SH3GL2: variants seen among roughly 807,000 people sequenced by gnomAD.
SH3GL2 encodes endophilin-A1.
A neutral mutation model predicts 46.0 loss-of-function variants in SH3GL2; 24 were observed. The ratio of observed to expected loss-of-function variants is 0.52; its 90% CI spans 0.38 to 0.73. The LOEUF is 0.73. SH3GL2 is among the 30% of genes least tolerant of loss of function. SH3GL2 has a pLI of 0.00. For synonymous variants in SH3GL2, 196 were observed against 147.1 expected, an observed-to-expected ratio of 1.33 and a Z score of -2.40; for missense variants, 413 against 424.2, an observed-to-expected ratio of 0.97 and a Z score of 0.23.
chr9:17,646,271 C>T (rs1307605767), intron 1 of SH3GL2, among the ~76,000 whole-genome samples: 1 of 151,992 alleles, frequency 6.6e-6, no homozygotes, highest in Non-Finnish European at 1.5e-5. Context: ...TTAGCAATTC[C>T]TCTAACCTTT....
chr9:17,646,348 T>G (rs138662803), intron 1 of SH3GL2, among the ~76,000 whole-genome samples: 136 of 152,156 alleles, frequency 8.9e-4, no homozygotes, highest in African/African-American at 3.1e-3. Flanking sequence ...GAGTTTGTTA[T>G]AACCCACCTT....
chr9:17,590,480 CTG>C (rs1233001643), intron 1 of SH3GL2: 2 of 152,120 alleles, frequency 1.3e-5, no homozygotes, highest in African/African-American at 4.8e-5. Context: ...AACAGTAAAA[CTG>C]TTTTCCATTA....
intron 7 of SH3GL2, 73 bp downstream of exon 7, chr9:17,791,407 A>G (rs1824125908): frequency 4.6e-6 from 5 of 1,081,936 alleles, no homozygotes; most frequent in African/African-American, 1.5e-5. Context: ...AATGGAAATC[A>G]TAGAATACAT....
At chr9:17,614,918 A>C (rs535976582) in intron 1 of SH3GL2, among the ~76,000 whole-genome samples, 2 of 152,326 alleles carry the variant, frequency 1.3e-5, no homozygotes, top group South Asian at 2.1e-4. Context: ...CCCACACCCA[A>C]AAGGCTCCGC....
chr9:17,696,945 G>GTAT lies in SH3GL2; in HGVS notation c.46-50121_46-50120insTAT, dbSNP rs1247464150. On this transcript the variant is annotated intron_variant, in intron 1 of 8. Coordinates refer to ENST00000380607, the MANE Select transcript of SH3GL2 (RefSeq NM_003026.5). Reference sequence around the variant, plus strand: ...TTCTTATTTTAGAGTGACTTTTAAAGACTGAACATGCAGAAGCCTCATTGC... The same window carrying GTAT: ...TTCTTATTTTAGAGTGACTTTTAAAGTATACTGAACATGCAGAAGCCTCATTGC... Among the ~76,000 whole-genome samples, 289 of 152,150 alleles carry GTAT rather than the reference G, an allele frequency of 1.9e-3. 1 individual carries two copies. Among genetic ancestry groups the GTAT allele is most frequent in the Non-Finnish European group, 1.3e-3 (86 of 67,986 alleles).
intron 1 of SH3GL2, among the ~76,000 whole-genome samples, chr9:17,630,033 A>G (rs1257462746): frequency 6.6e-6 from 1 of 152,170 alleles, no homozygotes; most frequent in Non-Finnish European, 1.5e-5. Context: ...GGACAGACAT[A>G]AAAAGCCTCA....
chr9:17,737,407 A>T (rs2118465601), intron 1 of SH3GL2, among the ~76,000 whole-genome samples: 1 of 152,252 alleles, frequency 6.6e-6, no homozygotes, highest in African/African-American at 2.4e-5. Flanking sequence ...ATCTGAGAAA[A>T]AAATATGAGG....
Position 17,747,049 on chromosome 9 carries a change from G to A in SH3GL2, c.46-17G>A, listed in dbSNP as rs1410992694. The A allele has an allele frequency of 6.5e-7, 1 of 1,549,752 alleles. No individual in the cohort carries two copies. Among genetic ancestry groups the A allele is most frequent in the Non-Finnish European group, 8.9e-7 (1 of 1,125,072 alleles). ...AAACTGTTTATAATAATTCTCCTTT[G>A]TGGTTATTTTCTACAGAAAGTGAGT... On this transcript the variant is annotated splice_polypyrimidine_tract_variant and intron_variant, in intron 1 of 8. Transcript: ENST00000380607.
At chr9:17,595,072 C>T (rs568182878) in intron 1 of SH3GL2, among the ~76,000 whole-genome samples, 1 of 152,142 alleles carries the variant, frequency 6.6e-6, no homozygotes, top group Non-Finnish European at 1.5e-5. Context: ...CACAGCAACC[C>T]TATGAACATT....
chr9:17,740,322 G>T (rs572880126), intron 1 of SH3GL2, among the ~76,000 whole-genome samples: 1 of 151,986 alleles, frequency 6.6e-6, no homozygotes, highest in Non-Finnish European at 1.5e-5. Context: ...CATATACTGC[G>T]TAAAGTGAAT....
At chr9:17,641,799 C>T (rs1164178185) in intron 1 of SH3GL2, among the ~76,000 whole-genome samples, 1 of 146,884 alleles carries the variant, frequency 6.8e-6, no homozygotes, top group Non-Finnish European at 1.5e-5. Context: ...CATAGTATTG[C>T]ATGGTTTATT....
intron 1 of SH3GL2, among the ~76,000 whole-genome samples, chr9:17,583,832 C>T (rs1818321571): frequency 6.6e-6 from 1 of 152,136 alleles, no homozygotes; most frequent in African/African-American, 2.4e-5. Flanking sequence ...ATGCTTTGCT[C>T]AGGAGACCAT....
intron 1 of SH3GL2, among the ~76,000 whole-genome samples, chr9:17,613,417 G>A (rs1392966188): frequency 6.6e-6 from 1 of 152,096 alleles, no homozygotes. Flanking sequence ...AAAATATTGT[G>A]TTTAGATAAA....
chr9:17,770,207 A>AT (rs1279977048), intron 3 of SH3GL2, among the ~76,000 whole-genome samples: 3 of 152,200 alleles, frequency 2.0e-5, no homozygotes, highest in Non-Finnish European at 4.4e-5. Flanking sequence ...CATGTATAAA[A>AT]TCACTGGGCT....
At position 17,713,936 on chromosome 9, in the gene SH3GL2, A is replaced by G. The variant is rs58992496; in HGVS notation, c.46-33130A>G. 5.6e-3 allele frequency among the ~76,000 whole-genome samples: 847 copies of G among 151,702 alleles called. 8 individuals carry two copies. Among genetic ancestry groups the G allele is most frequent in the African/African-American group, 0.02 (815 of 41,490 alleles). On this transcript the variant is annotated intron_variant, in intron 1 of 8. Transcript: ENST00000380607. ...GTTCTAGTCTACTATGTATCTGACA[A>G]TTTTCTGTCCATTTGTTTTAATTAT...
At chr9:17,694,802 G>T (rs1391525225) in intron 1 of SH3GL2, among the ~76,000 whole-genome samples, 1 of 152,146 alleles carries the variant, frequency 6.6e-6, no homozygotes, top group African/African-American at 2.4e-5. Context: ...TGAGTTAAAT[G>T]TCAAACTTCA....
chr9:17,587,007 G>A (rs1258381900), intron 1 of SH3GL2, among the ~76,000 whole-genome samples: 1 of 152,158 alleles, frequency 6.6e-6, no homozygotes, highest in African/African-American at 2.4e-5. Context: ...TTTGAGACCA[G>A]CTTGGCCAAC....
chr9:17,612,601 A>G (rs981733308), intron 1 of SH3GL2, among the ~76,000 whole-genome samples: 1 of 152,158 alleles, frequency 6.6e-6, no homozygotes, highest in African/African-American at 2.4e-5. Flanking sequence ...GGGAGGATGC[A>G]TTTCACTTGT....
chr9:17,644,386 C>T (rs1385887481), intron 1 of SH3GL2, among the ~76,000 whole-genome samples: 3 of 152,034 alleles, frequency 2.0e-5, no homozygotes, highest in East Asian at 3.9e-4. Context: ...AATTTGTTTG[C>T]TCTTGCTTCT....
Sources: gnomAD v4.1 joint callset for allele counts (sites outside exome capture counted in the v4.1 genomes callset) on GRCh38, gnomAD v4.1.1 for gene constraint, MANE v1.5 for transcripts, NCBI Gene and HGNC (gene_info 2026-07-23, HGNC 2026-07-21) for gene names.